Variants in RABGAP1L observed in about 807,000 individuals in gnomAD.
RABGAP1L encodes the protein RAB GTPase activating protein 1 like.
A neutral mutation model predicts 137.7 loss-of-function variants in RABGAP1L; 63 were observed. That is an observed-to-expected ratio of 0.46 (90% CI 0.37 to 0.56). The LOEUF is 0.56. Among genes scored for constraint, RABGAP1L ranks in the 20% least tolerant of loss-of-function variants. RABGAP1L has a pLI of 0.00. For synonymous variants in RABGAP1L, 431 were observed against 433.7 expected (o/e 0.99, Z 0.08); for missense variants, 1,095 against 1,244.0 (o/e 0.88, Z 1.80).
chr1:174,907,471 C>T (rs1659285792), intron 19 of RABGAP1L, among the ~76,000 whole-genome samples: 1 of 151,980 alleles, frequency 6.6e-6, no homozygotes, highest in African/African-American at 2.4e-5. Context: ...TGCCACCACA[C>T]CTGGCTCATT....
chr1:174,615,101 CT>C (rs1270333155), intron 13 of RABGAP1L, among the ~76,000 whole-genome samples: 1 of 152,234 alleles, frequency 6.6e-6, no homozygotes, highest in Non-Finnish European at 1.5e-5. Context: ...CTCCATCCTG[CT>C]TTGTTTCGTT....
intron 13 of RABGAP1L, among the ~76,000 whole-genome samples, chr1:174,526,698 T>A (rs1207026505): frequency 6.6e-6 from 1 of 152,130 alleles, no homozygotes; most frequent in East Asian, 1.9e-4. Flanking sequence ...TTTCATTTTT[T>A]AAAAATTTGG....
chr1:174,529,228 A>G (rs1664183581), intron 13 of RABGAP1L, among the ~76,000 whole-genome samples: 1 of 151,740 alleles, frequency 6.6e-6, no homozygotes, highest in Non-Finnish European at 1.5e-5. Flanking sequence ...CTGTGTTATT[A>G]CATTAATATC....
chr1:174,540,241 G>A (rs1043789461), intron 13 of RABGAP1L, among the ~76,000 whole-genome samples: 3 of 152,248 alleles, frequency 2.0e-5, no homozygotes, highest in Admixed American at 1.3e-4. Flanking sequence ...CATTCTGTAG[G>A]TTGCCTGTTC....
chr1:174,688,867 A>AATGGAATGGAATATGCAT (rs1171431715), intron 15 of RABGAP1L, among the ~76,000 whole-genome samples: 51 of 152,270 alleles, frequency 3.3e-4, no homozygotes, highest in Non-Finnish European at 1.3e-4. Flanking sequence ...CATTCTGCAT[A>AATGGAATGGAATATGCAT]AAGTTCAATA....
chr1:174,533,720 G>A (rs1664638916), intron 13 of RABGAP1L, among the ~76,000 whole-genome samples: 1 of 152,002 alleles, frequency 6.6e-6, no homozygotes, highest in Non-Finnish European at 1.5e-5. Flanking sequence ...GCCTAGGCTG[G>A]AGTGCAATGG....
At chr1:174,569,100 G>A (rs777259696) in intron 13 of RABGAP1L, among the ~76,000 whole-genome samples, 4 of 152,160 alleles carry the variant, frequency 2.6e-5, no homozygotes, top group Non-Finnish European at 4.4e-5. Context: ...AGATAGTGTG[G>A]CAGAGACAGC....
chr1:174,393,245 G>A (rs1318477911), intron 12 of RABGAP1L, among the ~76,000 whole-genome samples: 1 of 152,120 alleles, frequency 6.6e-6, no homozygotes, highest in East Asian at 1.9e-4. Flanking sequence ...CCTTTAATGA[G>A]CACTTGCTGT....
At chr1:174,519,233 C>T (rs1007832071) in intron 13 of RABGAP1L, among the ~76,000 whole-genome samples, 6 of 150,818 alleles carry the variant, frequency 4.0e-5, no homozygotes, top group East Asian at 1.9e-4. Flanking sequence ...CACACACACA[C>T]ATATATATAT....
At chr1:174,407,641 C>T (rs61826866) in intron 13 of RABGAP1L, among the ~76,000 whole-genome samples, 2,550 of 152,174 alleles carry the variant, frequency 0.017, 23 homozygotes, top group Non-Finnish European at 0.028. Flanking sequence ...TTATTTTTTA[C>T]TGTTGTCCTT....
intron 14 of RABGAP1L, among the ~76,000 whole-genome samples, chr1:174,644,605 G>C (rs1674803370): frequency 6.6e-6 from 1 of 151,596 alleles, no homozygotes; most frequent in Non-Finnish European, 1.5e-5. Flanking sequence ...GCTCTTTATG[G>C]TGCCTCCTGA....
intron 13 of RABGAP1L, among the ~76,000 whole-genome samples, chr1:174,409,605 A>G (rs1000660032): frequency 3.9e-5 from 6 of 152,182 alleles, no homozygotes; most frequent in African/African-American, 1.2e-4. Context: ...CAGAGAGCCT[A>G]TAAATGGATG....
chr1:174,877,556 A>C, intron 19 of RABGAP1L: 1 of 1,613,948 alleles, frequency 6.2e-7, no homozygotes, highest in Middle Eastern at 1.7e-4. Flanking sequence ...CAGCTGCACG[A>C]TGAAGACTTC....
chr1:174,220,960 C>A lies in RABGAP1L; in HGVS notation c.139-12C>A. 1 of 1,579,784 alleles carries A rather than the reference C, an allele frequency of 6.3e-7. No individual in the cohort carries two copies. The highest frequency in any genetic ancestry group is 8.6e-7 in the Non-Finnish European group (1 of 1,162,058). Reference sequence around the variant, plus strand: ...GTAGAATTGAAACAGAATTGTCTTGCTGTGTCTGTAGATAGTTTCTAATGG... The same window carrying A: ...GTAGAATTGAAACAGAATTGTCTTGATGTGTCTGTAGATAGTTTCTAATGG... On this transcript the variant is annotated splice_polypyrimidine_tract_variant and intron_variant, in intron 2 of 25. Coordinates refer to ENST00000681986, the MANE Select transcript of RABGAP1L (RefSeq NM_001366446.1).
chr1:174,422,716 G>A (rs1005911476), intron 13 of RABGAP1L, among the ~76,000 whole-genome samples: 25 of 152,028 alleles, frequency 1.6e-4, no homozygotes, highest in African/African-American at 6.0e-4. Flanking sequence ...GGGAGGCCAA[G>A]GCAGGCGGAT....
chr1:174,686,373 T>G (rs1168184587), intron 15 of RABGAP1L, among the ~76,000 whole-genome samples: 1 of 152,200 alleles, frequency 6.6e-6, no homozygotes, highest in African/African-American at 2.4e-5. Flanking sequence ...CTTCTTTCTT[T>G]GATTTCTCTA....
intron 1 of RABGAP1L, among the ~76,000 whole-genome samples, chr1:174,217,823 C>CT (rs1553254487): frequency 6.6e-6 from 1 of 151,998 alleles, no homozygotes; most frequent in Non-Finnish European, 1.5e-5. Context: ...AAAGTAATTA[C>CT]TTTTTAAAAG....
chr1:174,800,318 A>G, intron 18 of RABGAP1L: 1 of 1,545,608 alleles, frequency 6.5e-7, no homozygotes, highest in Middle Eastern at 1.7e-4. Flanking sequence ...CATTCTGGAT[A>G]CCTACTTAGT....
chr1:174,508,613 G>T (rs545304962), intron 13 of RABGAP1L, among the ~76,000 whole-genome samples: 1 of 152,212 alleles, frequency 6.6e-6, no homozygotes, highest in South Asian at 2.1e-4. Context: ...ATTTGAGAGA[G>T]GTGTTTTCTC....
Sources: gnomAD v4.1 joint callset for allele counts (sites outside exome capture counted in the v4.1 genomes callset) on GRCh38, gnomAD v4.1.1 for gene constraint, MANE v1.5 for transcripts, NCBI Gene and HGNC (gene_info 2026-07-23, HGNC 2026-07-21) for gene names.